Variants in CCSER1 observed in about 807,000 individuals in gnomAD.
CCSER1 encodes serine-rich coiled-coil domain-containing protein 1.
Under a neutral mutation model 82.0 loss-of-function variants are expected in CCSER1, and 41 were observed. The ratio of observed to expected loss-of-function variants is 0.50; its 90% CI spans 0.39 to 0.65. The LOEUF is 0.65. CCSER1 is among the 30% of genes least tolerant of loss of function. The probability of loss-of-function intolerance (pLI) is 0.00; values close to 1 mark genes in which losing one functional copy is unlikely to be tolerated. For synonymous variants in CCSER1, 414 were observed against 383.9 expected, an observed-to-expected ratio of 1.08 and a Z score of -0.92; for missense variants, 1,119 against 1,064.2, an observed-to-expected ratio of 1.05 and a Z score of -0.72.
At chr4:91,275,241 C>A (rs1474453685) in intron 10 of CCSER1, among the ~76,000 whole-genome samples, 1 of 152,126 alleles carries the variant, frequency 6.6e-6, no homozygotes, top group Admixed American at 6.5e-5. Flanking sequence ...TATTAATTTA[C>A]ATTTCCACCC....
intron 1 of CCSER1, among the ~76,000 whole-genome samples, chr4:90,305,122 T>G (rs1033718750): frequency 1.3e-5 from 2 of 152,156 alleles, no homozygotes; most frequent in Non-Finnish European, 2.9e-5. Flanking sequence ...TTCACCGTGT[T>G]AGCCAGGATG....
chr4:91,262,791 C>T (rs1416820909), intron 10 of CCSER1, among the ~76,000 whole-genome samples: 1 of 151,862 alleles, frequency 6.6e-6, no homozygotes, highest in Non-Finnish European at 1.5e-5. Flanking sequence ...TCTAACTCAA[C>T]ATTATACGAG....
chr4:91,250,003 G>A (rs1008670981), intron 10 of CCSER1, among the ~76,000 whole-genome samples: 11 of 150,560 alleles, frequency 7.3e-5, no homozygotes, highest in African/African-American at 1.9e-4. Context: ...CTAAAATGTC[G>A]TTCAGGGATT....
intron 6 of CCSER1, among the ~76,000 whole-genome samples, chr4:90,695,537 A>G (rs1401226188): frequency 6.6e-6 from 1 of 152,046 alleles, no homozygotes; most frequent in Admixed American, 6.6e-5. Flanking sequence ...AGAAAGGAGT[A>G]AGGAATGGAA....
chr4:91,272,841 T>G (rs552233235), intron 10 of CCSER1, among the ~76,000 whole-genome samples: 2 of 152,250 alleles, frequency 1.3e-5, no homozygotes, highest in Non-Finnish European at 2.9e-5. Context: ...ACACCATTTT[T>G]TGAATAGTGT....
intron 9 of CCSER1, among the ~76,000 whole-genome samples, chr4:91,068,084 T>G (rs974356813): frequency 6.6e-6 from 1 of 152,244 alleles, no homozygotes; most frequent in Non-Finnish European, 1.5e-5. Flanking sequence ...CAATTATATA[T>G]TTAAAGCATC....
intron 4 of CCSER1, among the ~76,000 whole-genome samples, chr4:90,462,174 A>G (rs1763013019): frequency 6.8e-6 from 1 of 147,284 alleles, no homozygotes; most frequent in South Asian, 2.1e-4. Flanking sequence ...TATTTACAAT[A>G]CCAAAATGTC....
chr4:91,552,643 G>A (rs778961389), intron 10 of CCSER1, among the ~76,000 whole-genome samples: 2 of 151,596 alleles, frequency 1.3e-5, no homozygotes, highest in African/African-American at 4.9e-5. Context: ...ATGCTCAAAA[G>A]AGTGGAAGCA....
At chr4:91,590,473 G>A (rs567390098) in intron 10 of CCSER1, among the ~76,000 whole-genome samples, 11 of 152,030 alleles carry the variant, frequency 7.2e-5, no homozygotes, top group African/African-American at 9.7e-5. Context: ...CAGATTCCAC[G>A]TCTAAGGCTA....
At chr4:91,242,000 G>T (rs1157024760) in intron 10 of CCSER1, among the ~76,000 whole-genome samples, 3 of 151,962 alleles carry the variant, frequency 2.0e-5, no homozygotes, top group Non-Finnish European at 1.5e-5. Context: ...ATATATGTAT[G>T]CAATTTTACA....
intron 4 of CCSER1, among the ~76,000 whole-genome samples, chr4:90,460,689 A>G (rs953681803): frequency 6.6e-6 from 1 of 152,162 alleles, no homozygotes; most frequent in African/African-American, 2.4e-5. Context: ...GTTGTATAGA[A>G]TACTTTTAAA....
intron 10 of CCSER1, among the ~76,000 whole-genome samples, chr4:91,597,648 T>A (rs536210600): frequency 7.1e-4 from 108 of 152,276 alleles, no homozygotes; most frequent in Non-Finnish European, 1.3e-3. Flanking sequence ...CAAAAAGTGA[T>A]GATGGCTAAA....
At position 90,907,723 on chromosome 4, in the gene CCSER1, C is replaced by T. The variant is rs555796050; in HGVS notation, c.2095-15647C>T. On this transcript the variant is annotated intron_variant, in intron 8 of 10. Transcript: ENST00000509176. ...CGTTGTTTAATATCCTCACTTTTCT[C>T]TTTGTACTGTTTTTTTTTCTTACTT... 1.3e-5 allele frequency among the ~76,000 whole-genome samples: 2 copies of T among 152,032 alleles called. 1 individual carries two copies. The highest frequency in any genetic ancestry group is 4.1e-4 in the South Asian group (2 of 4,820).
intron 9 of CCSER1, among the ~76,000 whole-genome samples, chr4:90,964,985 A>G (rs1258921353): frequency 6.6e-6 from 1 of 151,972 alleles, no homozygotes; most frequent in Non-Finnish European, 1.5e-5. Flanking sequence ...CTTTGTAGCC[A>G]CTAAGGGGGC....
chr4:90,260,364 C>T (rs1231448557), intron 1 of CCSER1, among the ~76,000 whole-genome samples: 1 of 152,068 alleles, frequency 6.6e-6, no homozygotes, highest in African/African-American at 2.4e-5. Context: ...GTATTGAAGT[C>T]TTCCACTATT....
At chr4:90,942,878 T>C (rs1253965753) in intron 9 of CCSER1, among the ~76,000 whole-genome samples, 2 of 147,906 alleles carry the variant, frequency 1.4e-5, no homozygotes, top group Non-Finnish European at 3.0e-5. Context: ...TAATTAAATA[T>C]GTATGATATA....
intron 10 of CCSER1, among the ~76,000 whole-genome samples, chr4:91,324,808 C>T (rs1036173041): frequency 1.3e-5 from 2 of 151,928 alleles, no homozygotes; most frequent in African/African-American, 4.8e-5. Context: ...TAGTATTGAG[C>T]ATCTTTGGGG....
At chr4:91,311,297 A>G (rs1269595875) in intron 10 of CCSER1, among the ~76,000 whole-genome samples, 1 of 151,946 alleles carries the variant, frequency 6.6e-6, no homozygotes, top group African/African-American at 2.4e-5. Flanking sequence ...TTAGGTATCA[A>G]ACTTTAAGTT....
chr4:91,566,950 T>C (rs1762919084), intron 10 of CCSER1, among the ~76,000 whole-genome samples: 1 of 152,114 alleles, frequency 6.6e-6, no homozygotes, highest in South Asian at 2.1e-4. Context: ...GATTTGTTCT[T>C]GCTTCTCTAC....
Sources: allele counts gnomAD v4.1 joint callset (sites outside exome capture counted in the v4.1 genomes callset), GRCh38; gene constraint gnomAD v4.1.1; transcripts MANE v1.5; gene names NCBI Gene and HGNC (gene_info 2026-07-23, HGNC 2026-07-21).